The following CP variants were observed in gnomAD, a reference collection of about 807,000 sequenced individuals.
The protein encoded by CP is ceruloplasmin, also known as caeruloplasmin.
Under a neutral mutation model 122.4 loss-of-function variants are expected in CP, and 64 were observed. The observed-to-expected ratio is 0.52, with a 90% CI of 0.43 to 0.64. The LOEUF is 0.64. CP is among the 30% of genes least tolerant of loss of function. CP has a pLI of 0.00. For missense variants in CP, 1,167 were observed against 1,284.4 expected (o/e 0.91, Z 1.40); for synonymous variants, 440 against 436.4 (o/e 1.01, Z -0.10).
rs757449784 is a variant in CP, at chr3:149,212,593, T to C, written c.252A>G (p.Ile84Met). Reference sequence around the variant, plus strand: ...AAAACCCAAGCCAGACCGGTTTTTCTATAGTTGTCCTAAAGGTTTCATCTG... The same window carrying C: ...AAAACCCAAGCCAGACCGGTTTTTCCATAGTTGTCCTAAAGGTTTCATCTG... ...QYTDETFRTT[I>M]EKPVWLGFLG... The change falls in exon 2 of 19, where the codon ATA becomes ATG. Residue 84 changes from isoleucine to methionine, a missense_variant. By Grantham distance (10) the Ile-to-Met change is conservative. Coordinates refer to ENST00000264613, the MANE Select transcript of CP (RefSeq NM_000096.4). 6.2e-7 allele frequency: 1 copy of C among 1,613,968 alleles called. No individual in the cohort carries two copies. Among genetic ancestry groups the C allele is most frequent in the Non-Finnish European group, 8.5e-7 (1 of 1,180,002 alleles).
chr3:149,172,014 T>C, downstream of CP: 10 of 1,451,524 alleles, frequency 6.9e-6, no homozygotes, highest in Non-Finnish European at 8.6e-6. Context: ...CTGAACTGGC[T>C]TCTAATTGGT....
intron 18 of CP, among the ~76,000 whole-genome samples, chr3:149,175,640 A>G (rs1274228607): frequency 1.4e-5 from 2 of 142,536 alleles, no homozygotes; most frequent in African/African-American, 2.7e-5. Context: ...TTACCAAAAA[A>G]ACTGTTCATT....
intron 5 of CP, chr3:149,164,002 A>C: frequency 1.1e-6 from 1 of 947,578 alleles, no homozygotes; most frequent in Non-Finnish European, 1.7e-6. Flanking sequence ...AATATAGTGT[A>C]AGATTAAATT....
At chr3:149,206,756 T>C (rs1217289995) in intron 5 of CP, among the ~76,000 whole-genome samples, 1 of 152,184 alleles carries the variant, frequency 6.6e-6, no homozygotes, top group African/African-American at 2.4e-5. Context: ...TGCTGTCTTG[T>C]ACAAGATGGT....
At chr3:149,194,150 T>C (rs1726729709) in intron 9 of CP, among the ~76,000 whole-genome samples, 1 of 152,052 alleles carries the variant, frequency 6.6e-6, no homozygotes, top group Non-Finnish European at 1.5e-5. Flanking sequence ...TTTTATTCCT[T>C]CCAAAGTAAG....
chr3:149,173,841 AT>A (rs1318596044), intron 18 of CP, 111 bp from the exon 19 acceptor site: 2 of 542,330 alleles, frequency 3.7e-6, no homozygotes, highest in East Asian at 6.5e-5. Context: ...CTCCTGATTC[AT>A]TTATATTTTT....
In CP at chr3:149,176,393, G is replaced by T. The variant is rs1474400264; in HGVS notation, c.3038C>A (p.Ser1013Tyr). 1 of 1,611,536 alleles carries T rather than the reference G, an allele frequency of 6.2e-7. No homozygotes were observed. Among genetic ancestry groups the T allele is most frequent in the South Asian group, 1.1e-5 (1 of 91,034 alleles). Residue 1013 changes from serine to tyrosine, a missense_variant, in exon 18 of 19, where the codon TCT becomes TAT. By Grantham distance (144) the Ser-to-Tyr change is moderately radical. Transcript: ENST00000264613. ...FQYKHRGVYSSDVFDIFPGTY... is the reference protein window; with the variant it reads ...FQYKHRGVYSYDVFDIFPGTY... ...TCCAGGGAAAATGTCAAAGACATCA[G>T]AACTATAAACTCCCCTGTGCTTAAT...
chr3:149,200,731 G>A (rs183105293), intron 7 of CP, among the ~76,000 whole-genome samples: 38 of 150,914 alleles, frequency 2.5e-4, no homozygotes, highest in African/African-American at 8.3e-4. Flanking sequence ...GGCTAGTCTC[G>A]AACTCCTGAC....
chr3:149,199,551 TAGG>T (rs1013762154), intron 8 of CP, among the ~76,000 whole-genome samples, 158 bp downstream of exon 8: 5 of 152,116 alleles, frequency 3.3e-5, no homozygotes, highest in East Asian at 1.9e-4. Flanking sequence ...CAATTGGAGG[TAGG>T]AGAAGGGGTT....
At chr3:149,193,840 G>C (rs1478337780) in intron 9 of CP, among the ~76,000 whole-genome samples, 1 of 152,228 alleles carries the variant, frequency 6.6e-6, no homozygotes, top group Non-Finnish European at 1.5e-5. Flanking sequence ...TGATGATTCA[G>C]ATGGGCATGA....
downstream of CP, chr3:149,172,239 A>G: frequency 6.2e-7 from 1 of 1,610,344 alleles, no homozygotes. Flanking sequence ...CATTTGAAAA[A>G]TACCATAATG....
At chr3:149,190,677 AAGG>A (rs1318243072) in intron 9 of CP, among the ~76,000 whole-genome samples, 2 of 151,176 alleles carry the variant, frequency 1.3e-5, no homozygotes, top group Non-Finnish European at 1.5e-5. Context: ...AAAAAAAAAA[AAGG>A]AGGGGGGGAA....
chr3:149,207,262 T>C, intron 5 of CP, 101 bp downstream of exon 5: 1 of 1,458,196 alleles, frequency 6.9e-7, no homozygotes, highest in Non-Finnish European at 9.6e-7. Flanking sequence ...AAGATGCCAG[T>C]TCAAAGCTCA....
At position 149,180,825 on chromosome 3, in the gene CP, A is replaced by G. The variant is rs528779158; in HGVS notation, c.2555-1163T>C. Among the ~76,000 whole-genome samples the G allele has an allele frequency of 4.6e-5, 7 of 152,196 alleles. No individual in the cohort carries two copies. In the East Asian group the frequency reaches 1.4e-3, roughly 29 times the overall value. On this transcript the variant is annotated intron_variant, in intron 14 of 18. Coordinates refer to ENST00000264613, the MANE Select transcript of CP (RefSeq NM_000096.4). ...TTTCTTCTCTTTTCCACACCCCTTT[A>G]CAACCTGCTCTTCCACCAGTGGTCA... is the stretch of plus-strand genomic sequence containing the variant.
intron 12 of CP, among the ~76,000 whole-genome samples, chr3:149,184,347 C>T (rs574530772): frequency 1.3e-5 from 2 of 152,136 alleles, no homozygotes; most frequent in African/African-American, 4.8e-5. Context: ...TTTTCACTTA[C>T]TTCTAATGGC....
rs1201886853 is a variant in CP, at chr3:149,197,603, G to T, written c.1713+764C>A. Among the ~76,000 whole-genome samples, 4 of 152,076 alleles carry T rather than the reference G, an allele frequency of 2.6e-5. No homozygotes were observed. In the South Asian group the frequency reaches 8.3e-4, roughly 32 times the overall value. ...CAGAGAGAAAGAAACATGTTTTAGC[G>T]ATCCCCAACATTTTTGGCACCAGGG... On this transcript the variant is annotated intron_variant, in intron 9 of 18. Coordinates refer to ENST00000264613, the MANE Select transcript of CP (RefSeq NM_000096.4).
chr3:149,203,486 A>G (rs982986045), intron 6 of CP, among the ~76,000 whole-genome samples: 1 of 151,428 alleles, frequency 6.6e-6, no homozygotes, highest in African/African-American at 2.4e-5. Flanking sequence ...CTGGTCTCGC[A>G]CTCCTGGCCT....
At chr3:149,212,136 G>A (rs774977219) in intron 2 of CP, among the ~76,000 whole-genome samples, 9 of 150,390 alleles carry the variant, frequency 6.0e-5, no homozygotes, top group Non-Finnish European at 1.0e-4. Flanking sequence ...TACTAAAAAT[G>A]CAAAAAAAAA....
At chr3:149,163,424 A>C (rs1724089150) in intron 5 of CP, among the ~76,000 whole-genome samples, 1 of 152,194 alleles carries the variant, frequency 6.6e-6, no homozygotes, top group African/African-American at 2.4e-5. Context: ...GCCATGGCTA[A>C]TGGAGGGTTA....
Sources: gnomAD v4.1 joint callset for allele counts (sites outside exome capture counted in the v4.1 genomes callset) on GRCh38, gnomAD v4.1.1 for gene constraint, MANE v1.5 for transcripts, NCBI Gene and HGNC (gene_info 2026-07-23, HGNC 2026-07-21) for gene names.